The following PABPC1L variants were observed in gnomAD, a reference collection of about 807,000 sequenced individuals.
PABPC1L encodes the protein poly(A) binding protein cytoplasmic 1 like.
A neutral mutation model predicts 66.6 loss-of-function variants in PABPC1L; 31 were observed. That is an observed-to-expected ratio of 0.47 (90% CI 0.35 to 0.63). The LOEUF (loss-of-function observed/expected upper bound fraction) is 0.63. Among genes scored for constraint, PABPC1L ranks in the 20% least tolerant of loss-of-function variants. PABPC1L has a pLI of 0.00. For synonymous variants in PABPC1L, 348 were observed against 335.1 expected, an observed-to-expected ratio of 1.04 and a Z score of -0.42; for missense variants, 722 against 848.8, an observed-to-expected ratio of 0.85 and a Z score of 1.86.
At position 44,914,204 on chromosome 20, in the gene PABPC1L, C is replaced by CTTTTTTT. The variant is rs1201412446; in HGVS notation, c.387+1365_387+1371dup. On this transcript the variant is annotated intron_variant, in intron 2 of 14. Coordinates refer to ENST00000217073, the MANE Select transcript of PABPC1L (RefSeq NM_001372179.1). ...AGTTTTTGTAGCCTATGTGTCAGAA[C>CTTTTTTT]TTTTTTTTTTTTTTTTTTTTGAGAC... 1.5e-3 allele frequency among the ~76,000 whole-genome samples: 170 copies of CTTTTTTT among 114,348 alleles called. 3 individuals carry two copies. Among genetic ancestry groups the CTTTTTTT allele is most frequent in the Non-Finnish European group, 2.5e-3 (148 of 58,342 alleles). The allele number at this position is 114,348 out of a possible 152,430, so 75.0% of individuals were successfully genotyped here.
chr20:44,911,132 C>T (rs1211003015), intron 1 of PABPC1L, among the ~76,000 whole-genome samples: 1 of 136,916 alleles, frequency 7.3e-6, no homozygotes, highest in Admixed American at 8.4e-5. Flanking sequence ...TAAGTGGTAA[C>T]CTAAAATAAA....
At chr20:44,926,122 C>T (rs1298675490) in intron 7 of PABPC1L, among the ~76,000 whole-genome samples, 3 of 152,118 alleles carry the variant, frequency 2.0e-5, no homozygotes, top group African/African-American at 4.8e-5. Flanking sequence ...TTGAGGACTC[C>T]CCGAACAAAG....
intron 12 of PABPC1L, 68 bp from the exon 13 acceptor site, chr20:44,937,993 A>G (rs924860267): frequency 6.2e-7 from 1 of 1,607,396 alleles, no homozygotes; most frequent in African/African-American, 1.3e-5. Context: ...GCTCCACTCC[A>G]TACGAGCCCT....
chr20:44,921,623 G>T lies in PABPC1L; in HGVS notation c.768G>T (p.Val256=). The change falls in exon 6 of 15, where the codon GTG becomes GTT. Residue 256 remains valine, a synonymous_variant. Coordinates refer to ENST00000217073, the MANE Select transcript of PABPC1L (RefSeq NM_001372179.1). ...KAVVHMNGKE[V]SGRLLYAGRA... ...TGGTCCATATGAACGGGAAGGAGGTGAGCGGGCGGCTGCTGTACGCGGGCC... is the reference window on the plus strand; with the variant it reads ...TGGTCCATATGAACGGGAAGGAGGTTAGCGGGCGGCTGCTGTACGCGGGCC... 4 of 1,614,026 alleles carry T rather than the reference G, an allele frequency of 2.5e-6. No individual in the cohort carries two copies. The highest frequency in any genetic ancestry group is 2.2e-5 in the South Asian group (2 of 91,082).
At position 44,938,772 on chromosome 20, in the gene PABPC1L, A is replaced by G. The variant is rs200901262; in HGVS notation, c.*6+24A>G. On this transcript the variant is annotated intron_variant, in intron 14 of 14. Transcript: ENST00000217073. The stretch of plus-strand genomic sequence containing the variant: ...AGGTGGGTGGAATGGTGACAGAAGC[A>G]GCTGAGCCCGGGAGAAGCTGTAAGG... The G allele has an allele frequency of 4.9e-4, 790 of 1,600,576 alleles. 5 individuals carry two copies. The African/African-American group carries it at 8.6e-3, about 17-fold the overall frequency.
intron 2 of PABPC1L, among the ~76,000 whole-genome samples, chr20:44,915,842 G>A (rs2066734409): frequency 6.6e-6 from 1 of 151,218 alleles, no homozygotes; most frequent in Admixed American, 6.6e-5. Context: ...TGTTGTTGCA[G>A]TAATTCATGT....
intron 5 of PABPC1L, among the ~76,000 whole-genome samples, chr20:44,921,184 T>C (rs1266354653): frequency 1.4e-5 from 2 of 138,610 alleles, no homozygotes; most frequent in African/African-American, 5.4e-5. Flanking sequence ...AGTTTCACTC[T>C]TGTTGCCCAG....
chr20:44,934,423 C>G (rs2066885075), intron 10 of PABPC1L, among the ~76,000 whole-genome samples: 1 of 152,256 alleles, frequency 6.6e-6, no homozygotes, highest in Non-Finnish European at 1.5e-5. Flanking sequence ...ACCATCCACT[C>G]TCCAGAACTC....
intron 5 of PABPC1L, among the ~76,000 whole-genome samples, chr20:44,920,004 T>C (rs750465856): frequency 1.3e-5 from 2 of 152,170 alleles, no homozygotes; most frequent in Non-Finnish European, 2.9e-5. Context: ...CTTTTTTCAG[T>C]GTAGTTTTAA....
At chr20:44,928,864 CAAAAAAAAAAA>C (rs10597679) in intron 7 of PABPC1L, among the ~76,000 whole-genome samples, 6 of 54,358 alleles carry the variant, frequency 1.1e-4, no homozygotes, top group Admixed American at 5.7e-4. Flanking sequence ...GATCCTGACT[CAAAAAAAAAAA>C]AAAAAAAAAA....
intron 9 of PABPC1L, 36 bp from the exon 10 acceptor site, chr20:44,933,021 C>A: frequency 6.9e-7 from 1 of 1,443,760 alleles, no homozygotes; most frequent in Non-Finnish European, 9.5e-7. Context: ...ACCACTCCAT[C>A]CAACTTTTCT....
intron 8 of PABPC1L, chr20:44,932,106 T>G: frequency 2.8e-6 from 1 of 361,962 alleles, no homozygotes; most frequent in Non-Finnish European, 4.9e-6. Context: ...ATCCAGGTCA[T>G]TGGGTTAGCT....
rs2066874571 is a variant in PABPC1L at position 44,933,110 on chromosome 20, C to T, written c.1384C>T (p.Pro462Ser). 1.9e-6 allele frequency: 3 copies of T among 1,607,540 alleles called. No individual in the cohort carries two copies. Among genetic ancestry groups the T allele is most frequent in the South Asian group, 1.1e-5 (1 of 89,266 alleles). Reference sequence around the variant, plus strand: ...CCGGCCACCAGTTGTGCCTCGGCGCCCCCCGGCCCACATCAGCAGTGTCAG... The same window carrying T: ...CCGGCCACCAGTTGTGCCTCGGCGCTCCCCGGCCCACATCAGCAGTGTCAG... ...MVRPPVVPRR[P>S]PAHISSVRQA... Residue 462 changes from proline (P) to serine (S), a missense_variant, in exon 10 of 15, where the codon CCC becomes TCC. Coordinates refer to ENST00000217073, the MANE Select transcript of PABPC1L (RefSeq NM_001372179.1).
rs747006539 is a variant in PABPC1L, at chr20:44,930,673, C to G, written c.1186C>G (p.Leu396Val). Residue 396 changes from leucine to valine, a missense_variant, in exon 8 of 15, where the codon CTC becomes GTC. Physicochemically the swap from Leu to Val is conservative, Grantham distance 32. Around this residue, in one of 3 missense-constraint regions of PABPC1L, gnomAD observed 301 missense variants for 337.2 expected, o/e 0.89. Transcript: ENST00000217073. Reference protein sequence around the residue: ...LSTMRTLSNPLLGSFQQPSSY... With the variant: ...LSTMRTLSNPVLGSFQQPSSY... ...CACCATGCGGACCCTGAGCAACCCC[C>G]TCCTGGGCTCCTTTCAGCAGCCCTC... The G allele has an allele frequency of 3.2e-5, 52 of 1,614,072 alleles. No homozygotes were observed. In the Middle Eastern group the frequency reaches 8.2e-4, roughly 26 times the overall value.
chr20:44,936,724 A>G lies in PABPC1L; in HGVS notation c.1654A>G (p.Met552Val). Residue 552 changes from methionine (M) to valine (V), a missense_variant, in exon 12 of 15, where the codon ATG becomes GTG. Around this residue, in one of 3 missense-constraint regions of PABPC1L, gnomAD observed 301 missense variants for 337.2 expected, o/e 0.89. Transcript: ENST00000217073. ...AAAPLHEQKQ[M>V]IGERLYPLIH... is the part of the protein sequence containing the mutation. ...GGCGCCCCTGCATGAGCAAAAGCAG[A>G]TGATTGGTGAGTGGCTGGTTCTCCT... The G allele has an allele frequency of 6.2e-7, 1 of 1,606,252 alleles. No individual in the cohort carries two copies. Among genetic ancestry groups the G allele is most frequent in the Non-Finnish European group, 8.5e-7 (1 of 1,177,316 alleles).
At chr20:44,919,368 T>A in intron 5 of PABPC1L, 91 bp downstream of exon 5, 1 of 1,398,608 alleles carries the variant, frequency 7.1e-7, no homozygotes, top group East Asian at 2.4e-5. Flanking sequence ...GGGAAGAAAG[T>A]CCCTCCCCGG....
At chr20:44,935,252 A>C in intron 10 of PABPC1L, 139 bp from the exon 11 acceptor site, 61 of 617,910 alleles carry the variant, frequency 9.9e-5, no homozygotes, top group Non-Finnish European at 1.1e-4. Context: ...TCCTACCAAC[A>C]GTGCACAGTC....
At chr20:44,937,081 T>G in intron 12 of PABPC1L, 1 of 462,884 alleles carries the variant, frequency 2.2e-6, no homozygotes, top group Non-Finnish European at 4.3e-6. Context: ...GGGGTTAAAG[T>G]TCCTCACACC....
At chr20:44,924,966 C>T (rs1488161080) in intron 7 of PABPC1L, among the ~76,000 whole-genome samples, 1 of 145,146 alleles carries the variant, frequency 6.9e-6, no homozygotes, top group African/African-American at 2.9e-5. Context: ...GTAATCCCAG[C>T]ACTTTGGGAG....
Sources: allele counts gnomAD v4.1 joint callset (sites outside exome capture counted in the v4.1 genomes callset), GRCh38; gene constraint gnomAD v4.1.1; regional missense constraint gnomAD v4.1.1; transcripts MANE v1.5; gene names NCBI Gene and HGNC (gene_info 2026-07-23, HGNC 2026-07-21).